The following ARHGAP25 variants were observed in gnomAD, a reference collection of about 807,000 sequenced individuals.
ARHGAP25 encodes the protein rho GTPase-activating protein 25.
A neutral mutation model predicts 71.0 loss-of-function variants in ARHGAP25; 34 were observed. The ratio of observed to expected loss-of-function variants is 0.48; its 90% confidence interval spans 0.36 to 0.64. ARHGAP25 has a LOEUF of 0.64. Among genes scored for constraint, ARHGAP25 ranks in the 30% least tolerant of loss-of-function variants. The probability of loss-of-function intolerance (pLI) is 0.00; values close to 1 mark genes in which losing one functional copy is unlikely to be tolerated. For missense variants in ARHGAP25, 706 were observed against 805.1 expected (o/e 0.88, Z 1.49); for synonymous variants, 282 against 296.5 (o/e 0.95, Z 0.50).
At chr2:68,743,816 G>C (rs780225809) in intron 1 of ARHGAP25, among the ~76,000 whole-genome samples, 1 of 152,020 alleles carries the variant, frequency 6.6e-6, no homozygotes, top group Non-Finnish European at 1.5e-5. Context: ...CAGGGGGCTC[G>C]TGGGACATGG....
At chr2:68,825,777 CA>C (rs370537902) in intron 10 of ARHGAP25, among the ~76,000 whole-genome samples, 6 of 148,512 alleles carry the variant, frequency 4.0e-5, no homozygotes, top group African/African-American at 7.4e-5. Context: ...AGACTCCATC[CA>C]AAAAAAAATG....
intron 9 of ARHGAP25, among the ~76,000 whole-genome samples, chr2:68,819,994 T>A (rs1432295044): frequency 6.6e-6 from 1 of 152,194 alleles, no homozygotes; most frequent in Non-Finnish European, 1.5e-5. Flanking sequence ...GGCCAAAAAA[T>A]GGATTTCAAA....
upstream of ARHGAP25, among the ~76,000 whole-genome samples, chr2:68,731,974 G>A (rs1281625837): frequency 1.3e-5 from 2 of 152,166 alleles, no homozygotes; most frequent in Admixed American, 1.3e-4. Flanking sequence ...GTTCACGAAC[G>A]TTCTTCCAAT....
intron 1 of ARHGAP25, among the ~76,000 whole-genome samples, chr2:68,740,237 T>G (rs567439734): frequency 4.1e-4 from 62 of 152,314 alleles, no homozygotes; most frequent in African/African-American, 1.4e-3. Flanking sequence ...ATTCACCTTC[T>G]TTAAGATCTA....
intron 1 of ARHGAP25, among the ~76,000 whole-genome samples, chr2:68,746,028 A>G (rs2104301832): frequency 6.6e-6 from 1 of 152,314 alleles, no homozygotes; most frequent in East Asian, 1.9e-4. Context: ...TCACCTCCCA[A>G]GGGCCATACC....
chr2:68,714,537 T>A (rs1674566931), intron 2 of ARHGAP25, among the ~76,000 whole-genome samples: 1 of 152,232 alleles, frequency 6.6e-6, no homozygotes, highest in Admixed American at 6.5e-5. Flanking sequence ...TTTGAATGCG[T>A]TTGCTCTTGC....
intron 1 of ARHGAP25, among the ~76,000 whole-genome samples, chr2:68,751,837 T>G (rs1676195223): frequency 6.6e-6 from 1 of 152,216 alleles, no homozygotes; most frequent in Non-Finnish European, 1.5e-5. Context: ...AATCCTAGAA[T>G]GGCCTGCTGA....
intron 9 of ARHGAP25, 58 bp from the exon 10 acceptor site, chr2:68,822,282 G>A: frequency 6.5e-7 from 1 of 1,531,796 alleles, no homozygotes; most frequent in Non-Finnish European, 8.9e-7. Flanking sequence ...CATACCTTGG[G>A]AGCATGACAC....
Position 68,817,931 on chromosome 2 carries a change from G to A in ARHGAP25, c.940G>A (p.Ala314Thr). The A allele has an allele frequency of 6.2e-7, 1 of 1,614,132 alleles. No homozygotes were observed. Among genetic ancestry groups the A allele is most frequent in the Non-Finnish European group, 8.5e-7 (1 of 1,179,976 alleles). ...AVNKMSVDNL[A>T]TVIGVNLIRS... The stretch of plus-strand genomic sequence containing the variant: ...TAACAAGATGAGTGTGGACAACCTG[G>A]CTACTGTGATTGGTGTGAATCTCAT... The change falls in exon 8 of 11, where the codon GCT becomes ACT. Residue 314 changes from alanine to threonine, a missense_variant. Physicochemically the swap from Ala to Thr is moderately conservative, Grantham distance 58. Coordinates refer to ENST00000409202, the MANE Select transcript of ARHGAP25 (RefSeq NM_001007231.3).
At position 68,774,667 on chromosome 2, in the gene ARHGAP25, C is replaced by T. The variant is rs551916470; in HGVS notation, c.62-554C>T. 1.3e-5 allele frequency: 11 copies of T among 879,516 alleles called. No homozygotes were observed. In the South Asian group the frequency reaches 2.6e-4, roughly 21 times the overall value. The allele number at this position is 879,516 out of a possible 1,614,324, so 54.5% of individuals were successfully genotyped here. On this transcript the variant is annotated intron_variant, in intron 1 of 10. Transcript: ENST00000409202. ...CGGGGGCTGGGGTTTGAGTGGGGTC[C>T]GCTGGAGGGGGCCTGCGTTCCACAG...
chr2:68,746,430 C>T (rs1047226130), intron 1 of ARHGAP25, among the ~76,000 whole-genome samples: 4 of 152,192 alleles, frequency 2.6e-5, no homozygotes, highest in African/African-American at 7.2e-5. Flanking sequence ...TCTGGTCAAG[C>T]GGACATGCCC....
rs1677224812 is a variant in ARHGAP25, at chr2:68,767,934, G to A, written c.62-7287G>A. Among the ~76,000 whole-genome samples the A allele has an allele frequency of 6.6e-6, 1 of 152,198 alleles. No individual in the cohort carries two copies. Among genetic ancestry groups the A allele is most frequent in the African/African-American group, 2.4e-5 (1 of 41,440 alleles). ...GTAGTGGCTTTGTTCCCAGCTCAGT[G>A]AAAGGTGGCATGGTCTCTCCTGTCC... On this transcript the variant is annotated intron_variant, in intron 1 of 10. Transcript: ENST00000409202. This position sits in a 1 kb window ranked among gnomAD's most constrained non-coding sequence, Gnocchi z 4.6.
intron 4 of ARHGAP25, among the ~76,000 whole-genome samples, chr2:68,800,700 G>A (rs1679904073): frequency 6.6e-6 from 1 of 152,094 alleles, no homozygotes; most frequent in Non-Finnish European, 1.5e-5. Context: ...AAAAATTCCT[G>A]ACTCAAATCT....
intron 5 of ARHGAP25, 94 bp from the exon 6 acceptor site, chr2:68,813,193 G>T: frequency 7.3e-7 from 1 of 1,368,774 alleles, no homozygotes; most frequent in Non-Finnish European, 9.7e-7. Context: ...TGTAATTTAT[G>T]GTTCTATTCA....
intron 1 of ARHGAP25, among the ~76,000 whole-genome samples, chr2:68,756,745 T>C (rs748862841): frequency 2.0e-5 from 3 of 152,070 alleles, no homozygotes; most frequent in Non-Finnish European, 4.4e-5. Flanking sequence ...ATCCAGTTGT[T>C]AGCAAAAAAT....
intron 1 of ARHGAP25, chr2:68,774,652 G>A: frequency 1.1e-5 from 8 of 754,972 alleles, no homozygotes; most frequent in Non-Finnish European, 1.3e-5. Flanking sequence ...CGGGGGCTGG[G>A]GTTTGAGTGG....
chr2:68,789,787 C>T (rs953593114), intron 4 of ARHGAP25, among the ~76,000 whole-genome samples: 1 of 152,034 alleles, frequency 6.6e-6, no homozygotes, highest in Non-Finnish European at 1.5e-5. Context: ...CTTGGCTGAG[C>T]CTTGCCGTAG....
chr2:68,823,294 C>T (rs914215596), intron 10 of ARHGAP25, among the ~76,000 whole-genome samples: 2 of 132,742 alleles, frequency 1.5e-5, no homozygotes, highest in African/African-American at 2.8e-5. Context: ...CCTGCACTTA[C>T]AGAACTTCTA....
intron 2 of ARHGAP25, among the ~76,000 whole-genome samples, chr2:68,717,396 G>GC (rs1253040058): frequency 6.6e-6 from 1 of 152,170 alleles, no homozygotes; most frequent in Non-Finnish European, 1.5e-5. Context: ...TTGTGATCTG[G>GC]CCCAGGGTCA....
Sources: gnomAD v4.1 joint callset for allele counts (sites outside exome capture counted in the v4.1 genomes callset) on GRCh38, gnomAD v4.1.1 for gene constraint, Gnocchi (gnomAD v3.1) non-coding constraint, MANE v1.5 for transcripts, NCBI Gene and HGNC (gene_info 2026-07-23, HGNC 2026-07-21) for gene names.